The following NFXL1 variants were observed in gnomAD, a reference collection of about 807,000 sequenced individuals.
NFXL1 encodes the protein nuclear transcription factor, X-box binding like 1, also known as NF-X1-type zinc finger protein NFXL1.
A neutral mutation model predicts 123.3 loss-of-function variants in NFXL1; 66 were observed. The observed-to-expected ratio is 0.54, with a 90% CI of 0.44 to 0.66. The LOEUF is 0.66. Among genes scored for constraint, NFXL1 ranks in the 30% least tolerant of loss-of-function variants. The pLI is 0.00. For synonymous variants in NFXL1, 346 were observed against 360.8 expected, an observed-to-expected ratio of 0.96 and a Z score of 0.46; for missense variants, 944 against 1,125.6, an observed-to-expected ratio of 0.84 and a Z score of 2.31.
At chr4:47,905,416 C>T (rs867097428) in intron 3 of NFXL1, 70 bp from the exon 4 acceptor site, 2 of 736,902 alleles carry the variant, frequency 2.7e-6, no homozygotes, top group Middle Eastern at 2.8e-4. Flanking sequence ...ACTAATAGCA[C>T]CATATTATGT....
At chr4:47,869,799 A>T (rs1333618423) in intron 18 of NFXL1, among the ~76,000 whole-genome samples, 8 of 152,112 alleles carry the variant, frequency 5.3e-5, no homozygotes, top group Non-Finnish European at 2.9e-5. Flanking sequence ...TAAGTTTTTT[A>T]AAATAAAAAA....
chr4:47,904,224 A>G (rs1336864971), intron 4 of NFXL1, among the ~76,000 whole-genome samples: 1 of 152,194 alleles, frequency 6.6e-6, no homozygotes, highest in African/African-American at 2.4e-5. Context: ...AAAACCATGT[A>G]AAACACGCCT....
chr4:47,914,106 G>A lies in NFXL1; in HGVS notation c.98C>T (p.Ala33Val). 1 of 1,552,620 alleles carries A rather than the reference G, an allele frequency of 6.4e-7. No homozygotes were observed. The change falls in exon 2 of 23, where the codon GCC (alanine) becomes GTC (valine). Residue 33 changes from alanine to valine, a missense_variant. This residue lies in a region of NFXL1 where 303 missense variants were observed against 292.1 expected (regional missense o/e 1.04). Coordinates refer to ENST00000507489, the MANE Select transcript of NFXL1 (RefSeq NM_001278624.2). ...CGACCCCTTCTCTCGCCCTCCTCCG[G>A]CGCCGCGGAGATGGACTCCATTTCC... The part of the protein sequence containing the change: ...PSGNGVHLRG[A>V]GGGREKGSVG...
intron 19 of NFXL1, among the ~76,000 whole-genome samples, chr4:47,857,253 C>T (rs535093727): frequency 1.3e-5 from 2 of 152,088 alleles, no homozygotes; most frequent in Non-Finnish European, 2.9e-5. Flanking sequence ...TCCTCTCTTC[C>T]AGCTATTTGG....
At chr4:47,879,322 C>T (rs543248253) in intron 15 of NFXL1, among the ~76,000 whole-genome samples, 55 of 152,108 alleles carry the variant, frequency 3.6e-4, no homozygotes, top group Non-Finnish European at 6.9e-4. Context: ...AAGTTAAAAA[C>T]ATAACACTAC....
intron 19 of NFXL1, among the ~76,000 whole-genome samples, chr4:47,856,614 T>C (rs1734431097): frequency 6.6e-6 from 1 of 152,192 alleles, no homozygotes; most frequent in Non-Finnish European, 1.5e-5. Context: ...TCCTTTTCCA[T>C]TGTCTTTAGT....
At chr4:47,866,477 A>C (rs1184307317) in intron 18 of NFXL1, among the ~76,000 whole-genome samples, 1 of 152,232 alleles carries the variant, frequency 6.6e-6, no homozygotes, top group African/African-American at 2.4e-5. Context: ...AAAAACTACT[A>C]TAGAAAATAA....
chr4:47,857,195 T>TTA (rs1386653243), intron 19 of NFXL1, among the ~76,000 whole-genome samples: 1 of 152,174 alleles, frequency 6.6e-6, no homozygotes, highest in Non-Finnish European at 1.5e-5. Context: ...TTGAGGGTAT[T>TTA]TATCATCTTG....
intron 15 of NFXL1, 34 bp downstream of exon 15, chr4:47,884,309 TTTG>T (rs1477274137): frequency 3.0e-6 from 4 of 1,318,964 alleles, no homozygotes; most frequent in Non-Finnish European, 3.2e-6. Context: ...TCAAAAGTTT[TTTG>T]TTTTTTTTTT....
intron 19 of NFXL1, among the ~76,000 whole-genome samples, chr4:47,859,448 T>C (rs986771802): frequency 2.3e-4 from 35 of 152,232 alleles, no homozygotes; most frequent in African/African-American, 8.0e-4. Flanking sequence ...ATTTTATATA[T>C]GAATAAGTTC....
At chr4:47,907,866 G>C (rs1258839401) in intron 3 of NFXL1, among the ~76,000 whole-genome samples, 1 of 152,058 alleles carries the variant, frequency 6.6e-6, no homozygotes, top group Non-Finnish European at 1.5e-5. Context: ...AACTTCTTAA[G>C]ATTATTTTCT....
chr4:47,854,458 G>A (rs1193528778), intron 20 of NFXL1, among the ~76,000 whole-genome samples: 1 of 152,086 alleles, frequency 6.6e-6, no homozygotes, highest in Non-Finnish European at 1.5e-5. Flanking sequence ...TCCTTCATAA[G>A]TTTTGTTGAG....
intron 19 of NFXL1, among the ~76,000 whole-genome samples, chr4:47,859,380 T>TA (rs1159300266): frequency 6.6e-6 from 1 of 152,246 alleles, no homozygotes; most frequent in Non-Finnish European, 1.5e-5. Context: ...CTAAGTCCGT[T>TA]ACATGTTATT....
At chr4:47,873,041 T>C (rs1385933676) in intron 18 of NFXL1, among the ~76,000 whole-genome samples, 1 of 152,248 alleles carries the variant, frequency 6.6e-6, no homozygotes, top group Non-Finnish European at 1.5e-5. Context: ...ATTTCAGCAA[T>C]GTTCACAGTA....
chr4:47,914,190 C>T lies in NFXL1; in HGVS notation c.14G>A (p.Trp5Ter). The T allele has an allele frequency of 2.0e-6, 3 of 1,510,372 alleles. No homozygotes were observed. The highest frequency in any genetic ancestry group is 1.2e-5 in the South Asian group (1 of 81,826). The allele number at this position is 1,510,372 out of a possible 1,614,324, so 93.6% of individuals were successfully genotyped here. The change falls in exon 2 of 23, where the codon TGG (tryptophan) becomes TAG (stop). Residue 5 changes from tryptophan to a stop codon, truncating the protein, a stop_gained. Transcript: ENST00000507489. LOFTEE classifies it high-confidence loss of function. MEAS[W>*]RQVAGGRGRS... is the part of the protein sequence containing the mutation. ...GCCTCGGCCACCGGCCACCTGGCGC[C>T]AGGAAGCTTCCATCCCTGCAAAGGA... is the stretch of plus-strand genomic sequence containing the variant.
intron 3 of NFXL1, among the ~76,000 whole-genome samples, chr4:47,907,192 T>C (rs1325919360): frequency 1.3e-5 from 2 of 152,162 alleles, no homozygotes; most frequent in African/African-American, 2.4e-5. Context: ...AATGAGATTG[T>C]GTCTGTTTTA....
intron 17 of NFXL1, chr4:47,877,215 G>C (rs1192594813): frequency 2.2e-6 from 1 of 455,900 alleles, no homozygotes; most frequent in Admixed American, 2.4e-5. Flanking sequence ...AGTATACTTA[G>C]AATATGAGCT....
intron 19 of NFXL1, among the ~76,000 whole-genome samples, chr4:47,856,394 C>G (rs762063994): frequency 3.3e-5 from 5 of 152,096 alleles, no homozygotes; most frequent in Non-Finnish European, 7.4e-5. Flanking sequence ...AACAATTTTT[C>G]AGTTTTACAA....
chr4:47,910,195 A>T (rs938392225), intron 3 of NFXL1, among the ~76,000 whole-genome samples: 1 of 152,070 alleles, frequency 6.6e-6, no homozygotes, highest in African/African-American at 2.4e-5. Flanking sequence ...TAAAAAAAGT[A>T]CGGCTAGGTG....
Sources: allele counts gnomAD v4.1 joint callset (sites outside exome capture counted in the v4.1 genomes callset), GRCh38; gene constraint gnomAD v4.1.1; regional missense constraint gnomAD v4.1.1; transcripts MANE v1.5; gene names NCBI Gene and HGNC (gene_info 2026-07-23, HGNC 2026-07-21).